The following ARHGAP15 variants were observed in gnomAD, a reference collection of about 807,000 sequenced individuals.
The protein encoded by ARHGAP15 is Rho GTPase activating protein 15, also known as rho GTPase-activating protein 15.
ARHGAP15 carries 51 observed loss-of-function variants against 63.7 expected under a neutral mutation model. The ratio of observed to expected loss-of-function variants is 0.80; its 90% CI spans 0.64 to 1.01. The LOEUF (loss-of-function observed/expected upper bound fraction) is 1.01, where lower values mean the gene tolerates loss of function less well. ARHGAP15 is among the 50% of genes least tolerant of loss of function. The pLI, the probability that ARHGAP15 is intolerant of heterozygous loss-of-function variation, is 0.00. For synonymous variants in ARHGAP15, 191 were observed against 193.8 expected, an observed-to-expected ratio of 0.99 and a Z score of 0.12; for missense variants, 560 against 564.6, an observed-to-expected ratio of 0.99 and a Z score of 0.08.
At chr2:143,264,076 G>C (rs1453440760) in intron 6 of ARHGAP15, among the ~76,000 whole-genome samples, 1 of 151,664 alleles carries the variant, frequency 6.6e-6, no homozygotes, top group African/African-American at 2.4e-5. Flanking sequence ...AGTGTTAACA[G>C]TGACAAGAAA....
At chr2:143,162,749 G>A (rs1007878943) in intron 2 of ARHGAP15, among the ~76,000 whole-genome samples, 1 of 151,928 alleles carries the variant, frequency 6.6e-6, no homozygotes, top group Non-Finnish European at 1.5e-5. Context: ...TGGAACCATA[G>A]TCAATATTAT....
At chr2:143,445,700 A>G (rs1690104105) in intron 8 of ARHGAP15, among the ~76,000 whole-genome samples, 1 of 151,914 alleles carries the variant, frequency 6.6e-6, no homozygotes, top group Non-Finnish European at 1.5e-5. Context: ...ATCCTTTAGG[A>G]CTCAGCCCAG....
chr2:143,222,124 C>G (rs1186649834), intron 4 of ARHGAP15, among the ~76,000 whole-genome samples: 1 of 152,182 alleles, frequency 6.6e-6, no homozygotes, highest in Non-Finnish European at 1.5e-5. Context: ...TTTGACCCAC[C>G]TTTTAGCAGT....
intron 12 of ARHGAP15, among the ~76,000 whole-genome samples, chr2:143,642,173 T>C (rs1680635400): frequency 6.6e-6 from 1 of 152,146 alleles, no homozygotes; most frequent in African/African-American, 2.4e-5. Flanking sequence ...CTTCAAAATA[T>C]TAGCAGGGAA....
At chr2:143,677,417 CAGA>C (rs1416604671) in intron 12 of ARHGAP15, among the ~76,000 whole-genome samples, 1 of 152,120 alleles carries the variant, frequency 6.6e-6, no homozygotes, top group African/African-American at 2.4e-5. Flanking sequence ...TGGATTTTCC[CAGA>C]AAGATATATT....
intron 11 of ARHGAP15, among the ~76,000 whole-genome samples, chr2:143,559,120 G>A (rs574305736): frequency 8.5e-5 from 13 of 152,156 alleles, no homozygotes; most frequent in African/African-American, 1.4e-4. Flanking sequence ...ATGCTGAAAC[G>A]ATATCCTGAT....
intron 4 of ARHGAP15, among the ~76,000 whole-genome samples, chr2:143,224,227 C>T (rs988131701): frequency 2.0e-5 from 3 of 151,520 alleles, no homozygotes; most frequent in South Asian, 2.1e-4. Flanking sequence ...CAGAAGTGTT[C>T]GATAGTTAAG....
intron 11 of ARHGAP15, among the ~76,000 whole-genome samples, chr2:143,613,669 C>G (rs866004494): frequency 2.3e-4 from 35 of 152,302 alleles, no homozygotes; most frequent in African/African-American, 8.4e-4. Context: ...AACTCTAATC[C>G]TTTGTAAATG....
intron 2 of ARHGAP15, among the ~76,000 whole-genome samples, chr2:143,172,868 C>T (rs1690849037): frequency 6.6e-6 from 1 of 151,918 alleles, no homozygotes; most frequent in Non-Finnish European, 1.5e-5. Context: ...ATTTTGATGT[C>T]AACAACCAAC....
intron 8 of ARHGAP15, among the ~76,000 whole-genome samples, chr2:143,441,810 C>T (rs536325575): frequency 6.6e-6 from 1 of 152,184 alleles, no homozygotes; most frequent in South Asian, 2.1e-4. Context: ...CTTTAGCTGT[C>T]TCTTGATTAA....
intron 11 of ARHGAP15, among the ~76,000 whole-genome samples, chr2:143,589,777 G>T (rs1697252139): frequency 6.6e-6 from 1 of 152,056 alleles, no homozygotes; most frequent in Non-Finnish European, 1.5e-5. Context: ...TTTGGAGCTA[G>T]GGAAAAACAG....
chr2:143,673,748 G>GTATATATATATATATC (rs869099523), intron 12 of ARHGAP15, among the ~76,000 whole-genome samples: 1 of 34,148 alleles, frequency 2.9e-5, no homozygotes, highest in Non-Finnish European at 7.9e-5. Context: ...GTGTGTGTGT[G>GTATATATATATATATC]TGTGTGTGTG....
intron 11 of ARHGAP15, among the ~76,000 whole-genome samples, chr2:143,620,440 G>A (rs1698606483): frequency 6.6e-6 from 1 of 152,190 alleles, no homozygotes; most frequent in African/African-American, 2.4e-5. Flanking sequence ...TACCAAAGAT[G>A]AGAGTCAGTT....
At chr2:143,623,621 CA>C (rs908920114) in intron 11 of ARHGAP15, among the ~76,000 whole-genome samples, 17 of 151,876 alleles carry the variant, frequency 1.1e-4, no homozygotes, top group Non-Finnish European at 2.9e-5. Context: ...TATATTCAGG[CA>C]AAAAAAGGGA....
Position 143,342,248 on chromosome 2 carries a change from G to A in ARHGAP15, c.474+91648G>A, listed in dbSNP as rs181755775. Reference sequence around the variant, plus strand: ...GCTTTTCATGGGAATCATGGGTATTGCTAGTGTTTTCTCAAAAAGAAAGAA... The same window carrying A: ...GCTTTTCATGGGAATCATGGGTATTACTAGTGTTTTCTCAAAAAGAAAGAA... On this transcript the variant is annotated intron_variant, in intron 6 of 13. Coordinates refer to ENST00000295095, the MANE Select transcript of ARHGAP15 (RefSeq NM_018460.4). Among the ~76,000 whole-genome samples, 7 of 152,144 alleles carry A rather than the reference G, an allele frequency of 4.6e-5. No homozygotes were observed. In the East Asian group the frequency reaches 1.2e-3, roughly 25 times the overall value.
chr2:143,169,840 G>A (rs942204574), intron 2 of ARHGAP15, among the ~76,000 whole-genome samples: 1 of 151,826 alleles, frequency 6.6e-6, no homozygotes, highest in Admixed American at 6.6e-5. Context: ...TGTTAGTTAT[G>A]AGCATGATAC....
rs1278248699 is a variant in ARHGAP15 at position 143,345,484 on chromosome 2, A to G, written c.475-90117A>G. 3.3e-5 allele frequency among the ~76,000 whole-genome samples: 5 copies of G among 152,116 alleles called. No homozygotes were observed. In the East Asian group the frequency reaches 9.6e-4, roughly 29 times the overall value. On this transcript the variant is annotated intron_variant, in intron 6 of 13. Coordinates refer to ENST00000295095, the MANE Select transcript of ARHGAP15 (RefSeq NM_018460.4). ...CCACCTGAACCCCACCCCAACCCCT[A>G]AAATATAATTTTAATAACACACATT...
intron 13 of ARHGAP15, among the ~76,000 whole-genome samples, chr2:143,726,455 G>A (rs1685284135): frequency 6.6e-6 from 1 of 150,894 alleles, no homozygotes; most frequent in African/African-American, 2.4e-5. Flanking sequence ...AGCTTTATTT[G>A]AATGATACTG....
chr2:143,559,352 T>C (rs898998558), intron 11 of ARHGAP15, among the ~76,000 whole-genome samples: 1 of 152,200 alleles, frequency 6.6e-6, no homozygotes. Context: ...ATGTAACTGC[T>C]CATGTTTCCA....
Sources: gnomAD v4.1 joint callset for allele counts (sites outside exome capture counted in the v4.1 genomes callset) on GRCh38, gnomAD v4.1.1 for gene constraint, MANE v1.5 for transcripts, NCBI Gene and HGNC (gene_info 2026-07-23, HGNC 2026-07-21) for gene names.